METTL15: variants seen among roughly 807,000 people sequenced by gnomAD.
METTL15 encodes methyltransferase 15, mitochondrial 12S rRNA N4-cytidine.
Under a neutral mutation model 38.3 loss-of-function variants are expected in METTL15, and 34 were observed. That is an observed-to-expected ratio of 0.89 (90% CI 0.68 to 1.18). The LOEUF (loss-of-function observed/expected upper bound fraction) is 1.18. Among genes scored for constraint, METTL15 ranks in the 50% most tolerant of loss-of-function variants. METTL15 has a pLI of 0.00. For synonymous variants in METTL15, 162 were observed against 170.9 expected (o/e 0.95, Z 0.41); for missense variants, 438 against 498.4 (o/e 0.88, Z 1.15).
At chr11:28,113,791 C>CT (rs1229585647) in intron 3 of METTL15, among the ~76,000 whole-genome samples, 187 bp downstream of exon 3, 3 of 152,006 alleles carry the variant, frequency 2.0e-5, no homozygotes, top group Non-Finnish European at 2.9e-5. Flanking sequence ...TACAACCATG[C>CT]TTTTTTTAAC....
chr11:28,236,061 T>G (rs1853950339), intron 4 of METTL15, among the ~76,000 whole-genome samples: 1 of 152,226 alleles, frequency 6.6e-6, no homozygotes, highest in Admixed American at 6.5e-5. Context: ...TGTATTGAGA[T>G]AATCATGTGG....
At chr11:28,316,058 A>C (rs1269076139) in intron 6 of METTL15, among the ~76,000 whole-genome samples, 1 of 152,212 alleles carries the variant, frequency 6.6e-6, no homozygotes, top group Non-Finnish European at 1.5e-5. Context: ...CTGAGGCACC[A>C]CTTAGTTCAG....
intron 5 of METTL15, among the ~76,000 whole-genome samples, chr11:28,390,004 G>C (rs950647930): frequency 6.6e-6 from 1 of 151,766 alleles, no homozygotes; most frequent in Non-Finnish European, 1.5e-5. Flanking sequence ...ATTTTTTCAT[G>C]TGTCTTTTGG....
chr11:28,473,146 A>T (rs1851316401), intron 6 of METTL15, among the ~76,000 whole-genome samples: 1 of 152,182 alleles, frequency 6.6e-6, no homozygotes, highest in African/African-American at 2.4e-5. Flanking sequence ...TTCAATACTC[A>T]TGGCTGTGTG....
At chr11:28,126,168 C>T (rs962516971) in intron 3 of METTL15, among the ~76,000 whole-genome samples, 1 of 152,096 alleles carries the variant, frequency 6.6e-6, no homozygotes, top group African/African-American at 2.4e-5. Flanking sequence ...GACTCTCTCA[C>T]TCTGGTTGTT....
chr11:28,359,003 G>A (rs1850113208), intron 4 of METTL15, among the ~76,000 whole-genome samples: 1 of 152,130 alleles, frequency 6.6e-6, no homozygotes, highest in Non-Finnish European at 1.5e-5. Context: ...GGATGCTGAG[G>A]TTTGGGGTAT....
rs1255147101 is a variant in METTL15 at position 28,332,264 on chromosome 11, CAAGAG to C, written c.*1426_*1430del. On this transcript the variant is annotated 3_prime_UTR_variant, in exon 7 of 7. Coordinates refer to ENST00000407364, the MANE Select transcript of METTL15 (RefSeq NM_001113528.2). ...GAGAACAATATGGTTGAAATAGAAACAAGAGAATGCACCTAGGTTAATTCCCTGAA... is the reference window on the plus strand; with the variant it reads ...GAGAACAATATGGTTGAAATAGAAACAATGCACCTAGGTTAATTCCCTGAA... The C allele has an allele frequency of 6.6e-6, 1 of 152,088 alleles. No homozygotes were observed. The highest frequency in any genetic ancestry group is 1.9e-4 in the East Asian group (1 of 5,192). The allele number at this position is 152,088 out of a possible 1,614,324, so 9.4% of individuals were successfully genotyped here.
At chr11:28,388,647 T>G (rs967978229) in intron 5 of METTL15, among the ~76,000 whole-genome samples, 1 of 152,118 alleles carries the variant, frequency 6.6e-6, no homozygotes, top group East Asian at 1.9e-4. Flanking sequence ...TTCTACAGAC[T>G]CAATGCAATC....
At chr11:28,126,279 G>C (rs1413721414) in intron 3 of METTL15, among the ~76,000 whole-genome samples, 1 of 151,966 alleles carries the variant, frequency 6.6e-6, no homozygotes, top group Non-Finnish European at 1.5e-5. Flanking sequence ...TTGCTTGTTT[G>C]TTTGTTTTTT....
chr11:28,525,618 G>T (rs558164761), intron 6 of METTL15, among the ~76,000 whole-genome samples: 2 of 152,256 alleles, frequency 1.3e-5, no homozygotes, highest in Admixed American at 1.3e-4. Flanking sequence ...AGTGCTGATT[G>T]GTGCATTTAC....
intron 3 of METTL15, among the ~76,000 whole-genome samples, chr11:28,192,590 T>C (rs1851738410): frequency 6.6e-6 from 1 of 152,058 alleles, no homozygotes; most frequent in Non-Finnish European, 1.5e-5. Flanking sequence ...GATATTTTTG[T>C]AATAGTGGTT....
At chr11:28,311,556 G>C (rs771301950) in intron 6 of METTL15, among the ~76,000 whole-genome samples, 1 of 152,176 alleles carries the variant, frequency 6.6e-6, no homozygotes, top group African/African-American at 2.4e-5. Flanking sequence ...ACATCTCTTA[G>C]AACATGTGTT....
chr11:28,326,299 T>A (rs980456918), intron 6 of METTL15, among the ~76,000 whole-genome samples: 4 of 151,870 alleles, frequency 2.6e-5, no homozygotes, highest in Admixed American at 6.6e-5. Flanking sequence ...TTTTTTTTTT[T>A]ATCTTGTGTT....
At chr11:28,212,912 C>T (rs1375178037) in intron 4 of METTL15, among the ~76,000 whole-genome samples, 2 of 152,112 alleles carry the variant, frequency 1.3e-5, no homozygotes, top group Non-Finnish European at 1.5e-5. Context: ...AAACACCACA[C>T]TTTCTCAAAT....
intron 4 of METTL15, among the ~76,000 whole-genome samples, chr11:28,244,044 T>C (rs1028295897): frequency 6.6e-6 from 1 of 152,174 alleles, no homozygotes; most frequent in African/African-American, 2.4e-5. Flanking sequence ...AGATGTTTTT[T>C]AAAGTTCAAA....
At chr11:28,141,272 G>A (rs981269731) in intron 3 of METTL15, among the ~76,000 whole-genome samples, 3 of 152,166 alleles carry the variant, frequency 2.0e-5, no homozygotes, top group Non-Finnish European at 4.4e-5. Context: ...AGGTGTTACA[G>A]GACTGGTTGA....
At chr11:28,166,243 T>C (rs1850654319) in intron 3 of METTL15, among the ~76,000 whole-genome samples, 1 of 152,228 alleles carries the variant, frequency 6.6e-6, no homozygotes, top group African/African-American at 2.4e-5. Flanking sequence ...GGTGGTATAC[T>C]TAACTAATCT....
At position 28,444,867 on chromosome 11, in the gene METTL15, T is replaced by C. The variant is rs1851062503; in HGVS notation, c.*424+20503T>C. On this transcript the variant is annotated intron_variant and NMD_transcript_variant, in intron 6 of 7. Transcript: ENST00000532947. ...CTGTGGCTTTCTGAACTCCTGTGAA[T>C]GAATATAAGAGTTTCTTATTTTGCT... 3.3e-5 allele frequency among the ~76,000 whole-genome samples: 5 copies of C among 152,320 alleles called. No individual in the cohort carries two copies. The South Asian group carries it at 8.3e-4, about 25-fold the overall frequency.
chr11:28,148,825 T>C (rs1849978747), intron 3 of METTL15, among the ~76,000 whole-genome samples: 1 of 151,978 alleles, frequency 6.6e-6, no homozygotes. Flanking sequence ...TCAAGTAGTA[T>C]TCTTAAGTTT....
Sources: gnomAD v4.1 joint callset for allele counts (sites outside exome capture counted in the v4.1 genomes callset) on GRCh38, gnomAD v4.1.1 for gene constraint, MANE v1.5 for transcripts, NCBI Gene and HGNC (gene_info 2026-07-23, HGNC 2026-07-21) for gene names.